The following TBL1XR1 variants were observed in gnomAD, a reference collection of about 807,000 sequenced individuals.
TBL1XR1 encodes F-box-like/WD repeat-containing protein TBL1XR1.
In TBL1XR1, 5 loss-of-function variants were observed where a neutral mutation model predicts 66.9. The ratio of observed to expected loss-of-function variants is 0.07; its 90% CI spans 0.04 to 0.16. The LOEUF (loss-of-function observed/expected upper bound fraction) is 0.16. Among genes scored for constraint, TBL1XR1 ranks in the 10% least tolerant of loss-of-function variants. The pLI is 1.00. For synonymous variants in TBL1XR1, 210 were observed against 206.0 expected (o/e 1.02, Z -0.17); for missense variants, 238 against 623.2 (o/e 0.38, Z 6.58).
chr3:177,170,116 T>C (rs1272355124), intron 1 of TBL1XR1, among the ~76,000 whole-genome samples: 2 of 152,096 alleles, frequency 1.3e-5, no homozygotes, highest in African/African-American at 4.8e-5. Flanking sequence ...ATCATGACAA[T>C]AGCCTCCTGA....
chr3:177,023,300 T>G lies in TBL1XR1; in HGVS notation c.*2198A>C, dbSNP rs992961169. 3 of 152,556 alleles carry G rather than the reference T, an allele frequency of 2.0e-5. No individual in the cohort carries two copies. The highest frequency in any genetic ancestry group is 7.2e-5 in the African/African-American group (3 of 41,454). The allele number at this position is 152,556 out of a possible 1,614,324, so 9.5% of individuals were successfully genotyped here. A position where few individuals can be genotyped will look rare whatever the true frequency, so the allele number is the denominator to read the frequency against. ...ATTTGTGTCTATTCCTGGGAGCACATTTTAAAATTATTGCACAGATTTTTT... is the reference window on the plus strand; with the variant it reads ...ATTTGTGTCTATTCCTGGGAGCACAGTTTAAAATTATTGCACAGATTTTTT... On this transcript the variant is annotated 3_prime_UTR_variant, in exon 16 of 16. Coordinates refer to ENST00000457928, the MANE Select transcript of TBL1XR1 (RefSeq NM_024665.7).
At chr3:177,044,249 T>C (rs1353913812) in intron 10 of TBL1XR1, among the ~76,000 whole-genome samples, 1 of 152,170 alleles carries the variant, frequency 6.6e-6, no homozygotes, top group Non-Finnish European at 1.5e-5. Flanking sequence ...TTTTTGAACA[T>C]ATGATATGGT....
At chr3:177,069,880 C>T (rs567507710) in intron 2 of TBL1XR1, among the ~76,000 whole-genome samples, 34 of 150,346 alleles carry the variant, frequency 2.3e-4, no homozygotes, top group African/African-American at 7.9e-4. Flanking sequence ...ATCAATTATT[C>T]ATTAGTTAAC....
intron 1 of TBL1XR1, among the ~76,000 whole-genome samples, chr3:177,122,727 T>C (rs1019207309): frequency 2.6e-5 from 4 of 152,094 alleles, no homozygotes; most frequent in Admixed American, 1.3e-4. Context: ...ACAGTGGAGA[T>C]AGCTGCAAAT....
chr3:177,096,062 G>A (rs943843038), intron 2 of TBL1XR1, among the ~76,000 whole-genome samples: 15 of 152,106 alleles, frequency 9.9e-5, no homozygotes, highest in African/African-American at 3.6e-4. Context: ...AGGTAGGGAG[G>A]TAGTAGAGGT....
intron 2 of TBL1XR1, among the ~76,000 whole-genome samples, chr3:177,077,014 C>T (rs1447999048): frequency 1.3e-5 from 2 of 152,214 alleles, no homozygotes; most frequent in Non-Finnish European, 1.5e-5. Context: ...TATATGGGGT[C>T]TACTTCAACA....
chr3:177,090,509 GT>G, intron 2 of TBL1XR1, among the ~76,000 whole-genome samples: 1 of 123,970 alleles, frequency 8.1e-6, no homozygotes, highest in East Asian at 2.6e-4. Flanking sequence ...GGGAGACACT[GT>G]CTCTACTAAA....
chr3:177,120,450 C>T (rs1398036985), intron 1 of TBL1XR1, among the ~76,000 whole-genome samples: 1 of 152,166 alleles, frequency 6.6e-6, no homozygotes, highest in Non-Finnish European at 1.5e-5. Context: ...ACAACCCAGA[C>T]CTTCAAACTC....
chr3:177,066,802 T>C (rs1004507985), intron 2 of TBL1XR1, among the ~76,000 whole-genome samples: 5 of 152,032 alleles, frequency 3.3e-5, no homozygotes, highest in African/African-American at 1.2e-4. Context: ...GAATCAAAGG[T>C]TTCTCTCTGG....
intron 2 of TBL1XR1, among the ~76,000 whole-genome samples, chr3:177,071,486 A>C (rs1007330776): frequency 6.6e-6 from 1 of 152,214 alleles, no homozygotes; most frequent in Non-Finnish European, 1.5e-5. Flanking sequence ...ACTTGTGTCC[A>C]TGGATTGGTT....
intron 15 of TBL1XR1, among the ~76,000 whole-genome samples, 171 bp downstream of exon 15, chr3:177,026,202 A>G (rs766066790): frequency 7.2e-5 from 11 of 152,126 alleles, no homozygotes; most frequent in Non-Finnish European, 1.5e-4. Context: ...TTTTGTTTAC[A>G]TTATTTGAAT....
Position 177,053,865 on chromosome 3 carries a change from T to C in TBL1XR1, c.112A>G (p.Asn38Asp). The change falls in exon 4 of 16, where the codon AAT (asparagine) becomes GAT (aspartate). Residue 38 changes from asparagine to aspartate, a missense_variant. This residue lies in a region of TBL1XR1 where 9 missense variants were observed against 87.4 expected (regional missense o/e 0.10). Coordinates refer to ENST00000457928, the MANE Select transcript of TBL1XR1 (RefSeq NM_024665.7). ...FGIESHISQSNINGALVPPAA... is the reference protein window; with the variant it reads ...FGIESHISQSDINGALVPPAA... The stretch of plus-strand genomic sequence containing the variant: ...GGTGGGACGAGGGCACCATTTATAT[T>C]GGACTGACTGATATGGCTTTCTATA... 6.2e-7 allele frequency: 1 copy of C among 1,613,860 alleles called. No individual in the cohort carries two copies. Among genetic ancestry groups the C allele is most frequent in the Non-Finnish European group, 8.5e-7 (1 of 1,179,796 alleles).
At chr3:177,107,473 T>C (rs907643870) in intron 1 of TBL1XR1, among the ~76,000 whole-genome samples, 15 of 152,250 alleles carry the variant, frequency 9.9e-5, no homozygotes, top group Non-Finnish European at 1.5e-5. Context: ...CAGAAATACA[T>C]TCATTTATGA....
intron 2 of TBL1XR1, among the ~76,000 whole-genome samples, chr3:177,095,587 C>T (rs1007574501): frequency 2.6e-5 from 4 of 151,222 alleles, no homozygotes; most frequent in Non-Finnish European, 4.4e-5. Flanking sequence ...TCAAGGGATT[C>T]TCTTGCCTCA....
chr3:177,148,727 T>C (rs1305943682), intron 1 of TBL1XR1, among the ~76,000 whole-genome samples: 2 of 148,264 alleles, frequency 1.3e-5, no homozygotes, highest in African/African-American at 5.0e-5. Flanking sequence ...TAATAAAAAT[T>C]GGCTGGGTGC....
chr3:177,137,015 C>CA (rs1397896100), intron 1 of TBL1XR1, among the ~76,000 whole-genome samples: 2 of 152,186 alleles, frequency 1.3e-5, no homozygotes, highest in Non-Finnish European at 2.9e-5. Flanking sequence ...AAAAAGCACT[C>CA]AGCAAGTGAC....
chr3:177,182,616 G>T (rs180923285), intron 1 of TBL1XR1, among the ~76,000 whole-genome samples: 8 of 152,236 alleles, frequency 5.3e-5, no homozygotes, highest in Admixed American at 2.0e-4. Flanking sequence ...GGGTCAAGAT[G>T]GGTGAGAGAG....
At chr3:177,167,920 CTG>C (rs1733016150) in intron 1 of TBL1XR1, among the ~76,000 whole-genome samples, 1 of 151,000 alleles carries the variant, frequency 6.6e-6, no homozygotes, top group African/African-American at 2.4e-5. Flanking sequence ...GAGCGAAACA[CTG>C]TTTCAAAAAA....
chr3:177,065,077 G>GTTTACATCTTGTT, intron 2 of TBL1XR1, 55 bp from the exon 3 acceptor site: 1 of 1,129,210 alleles, frequency 8.9e-7, no homozygotes, highest in Non-Finnish European at 1.2e-6. Flanking sequence ...TAAACAAGAT[G>GTTTACATCTTGTT]TAAACAATGT....
Sources: gnomAD v4.1 joint callset for allele counts (sites outside exome capture counted in the v4.1 genomes callset) on GRCh38, gnomAD v4.1.1 for gene constraint, gnomAD v4.1.1 regional missense constraint, MANE v1.5 for transcripts, NCBI Gene and HGNC (gene_info 2026-07-23, HGNC 2026-07-21) for gene names.